GRM7: variants seen among roughly 807,000 people sequenced by gnomAD.
GRM7 encodes glutamate metabotropic receptor 7, also known as metabotropic glutamate receptor 7.
In GRM7, 35 loss-of-function variants were observed where a neutral mutation model predicts 84.5. That is an observed-to-expected ratio of 0.41 (90% CI 0.32 to 0.55). The LOEUF is 0.55. GRM7 is among the 20% of genes least tolerant of loss of function. GRM7 has a pLI of 0.19. For missense variants in GRM7, 1,003 were observed against 1,194.6 expected (o/e 0.84, Z 2.36); for synonymous variants, 487 against 455.1 (o/e 1.07, Z -0.89).
At chr3:7,483,306 A>G (rs1699203156) in intron 7 of GRM7, among the ~76,000 whole-genome samples, 1 of 152,236 alleles carries the variant, frequency 6.6e-6, no homozygotes, top group South Asian at 2.1e-4. Flanking sequence ...ACCAAAGGAT[A>G]CTTTGGATTG....
At chr3:7,372,812 G>A (rs1200863705) in intron 4 of GRM7, among the ~76,000 whole-genome samples, 1 of 151,894 alleles carries the variant, frequency 6.6e-6, no homozygotes, top group Non-Finnish European at 1.5e-5. Context: ...ACAGGGGTGT[G>A]TCAAGGAAGA....
chr3:6,942,922 G>A (rs963989307), intron 1 of GRM7, among the ~76,000 whole-genome samples: 1 of 152,078 alleles, frequency 6.6e-6, no homozygotes, highest in Non-Finnish European at 1.5e-5. Context: ...ATTCGAGTAT[G>A]CATGGAGTGA....
intron 1 of GRM7, among the ~76,000 whole-genome samples, chr3:7,097,298 G>A (rs1322208918): frequency 1.3e-5 from 2 of 152,126 alleles, no homozygotes; most frequent in Admixed American, 6.6e-5. Flanking sequence ...AAAATGGCTA[G>A]TGCTGTGTTT....
intron 1 of GRM7, among the ~76,000 whole-genome samples, chr3:7,118,499 C>A (rs1693115413): frequency 6.7e-6 from 1 of 148,922 alleles, no homozygotes; most frequent in Non-Finnish European, 1.5e-5. Flanking sequence ...GTCCTTTGAA[C>A]TTTCCTCTAA....
chr3:7,189,802 T>C (rs1204474334), intron 2 of GRM7, among the ~76,000 whole-genome samples: 2 of 152,170 alleles, frequency 1.3e-5, no homozygotes, highest in Non-Finnish European at 2.9e-5. Flanking sequence ...ACAAATCATC[T>C]TGCAAACATA....
chr3:7,168,199 C>T (rs1284492913), intron 2 of GRM7, among the ~76,000 whole-genome samples: 1 of 152,038 alleles, frequency 6.6e-6, no homozygotes, highest in Non-Finnish European at 1.5e-5. Context: ...AAACACTTAG[C>T]ACAGTGCCTG....
At chr3:6,901,537 G>A (rs565974477) in intron 1 of GRM7, among the ~76,000 whole-genome samples, 1 of 140,840 alleles carries the variant, frequency 7.1e-6, no homozygotes, top group East Asian at 2.3e-4. Flanking sequence ...GGTGGAGGTT[G>A]CAGTGAGCCG....
chr3:6,954,947 A>G (rs1239344872), intron 1 of GRM7, among the ~76,000 whole-genome samples: 3 of 152,222 alleles, frequency 2.0e-5, no homozygotes, highest in Non-Finnish European at 4.4e-5. Context: ...GAGGCTCAGT[A>G]TTCTCACCAA....
chr3:7,625,186 C>T (rs1697549449), intron 8 of GRM7, among the ~76,000 whole-genome samples: 1 of 152,110 alleles, frequency 6.6e-6, no homozygotes, highest in Admixed American at 6.6e-5. Context: ...CTTTAGAACA[C>T]TCTGGTAGCT....
intron 1 of GRM7, among the ~76,000 whole-genome samples, chr3:7,066,752 A>T (rs1429370041): frequency 6.6e-6 from 1 of 152,026 alleles, no homozygotes; most frequent in East Asian, 1.9e-4. Context: ...ATCCTCAGTG[A>T]GCACAGATGC....
At position 6,863,126 on chromosome 3, in the gene GRM7, T is replaced by G. The variant is rs1694819340; in HGVS notation, c.519+1219T>G. 9 of 280,000 alleles carry G rather than the reference T, an allele frequency of 3.2e-5. No homozygotes were observed. Among genetic ancestry groups the G allele is most frequent in the Middle Eastern group, 4.1e-4 (1 of 2,418 alleles). 17.3% of individuals were successfully genotyped at this position (280,000 alleles called of 1,614,324 possible). A position where few individuals can be genotyped will look rare whatever the true frequency, so the allele number is the denominator to read the frequency against. On this transcript the variant is annotated intron_variant, in intron 1 of 9. Coordinates refer to ENST00000357716, the MANE Select transcript of GRM7 (RefSeq NM_000844.4). The surrounding 1 kb of genome is among the most constrained non-coding windows in gnomAD (Gnocchi z 4.8). ...TCTTTCTGTCTCTGTCTCCTTGCTG[T>G]TTTTTTTTTCTCTCTGTTTTTTCTC...
At chr3:7,358,858 C>G (rs1034595450) in intron 4 of GRM7, among the ~76,000 whole-genome samples, 2 of 151,784 alleles carry the variant, frequency 1.3e-5, no homozygotes, top group African/African-American at 4.8e-5. Context: ...TGGCTCACGC[C>G]TATAATCCCA....
At chr3:7,089,864 A>T (rs13096028) in intron 1 of GRM7, among the ~76,000 whole-genome samples, 75,628 of 151,912 alleles carry the variant, frequency 0.5, 20,105 homozygotes, top group African/African-American at 0.7. Context: ...TTATTTTGAG[A>T]TGGAGTCTCC....
At chr3:7,627,073 A>T (rs3804866) in intron 8 of GRM7, among the ~76,000 whole-genome samples, 21,279 of 152,176 alleles carry the variant, frequency 0.14, 1,672 homozygotes, top group Non-Finnish European at 0.17. Flanking sequence ...GCTTTGGGTC[A>T]CAGCTTCCAC....
intron 9 of GRM7, among the ~76,000 whole-genome samples, chr3:7,721,153 T>C (rs929006048): frequency 1.3e-5 from 2 of 152,220 alleles, no homozygotes; most frequent in African/African-American, 4.8e-5. Context: ...GGATCCATAT[T>C]TAACCTCTTA....
intron 1 of GRM7, among the ~76,000 whole-genome samples, chr3:7,002,617 G>A (rs1433499517): frequency 2.0e-5 from 3 of 152,182 alleles, no homozygotes; most frequent in African/African-American, 4.8e-5. Context: ...GAGTTATAAC[G>A]CTACAGTACA....
chr3:7,737,843 A>AT (rs35087158), intron 9 of GRM7, among the ~76,000 whole-genome samples: 8,556 of 134,454 alleles, frequency 0.064, 310 homozygotes, highest in African/African-American at 0.071. Flanking sequence ...TATTCTCCCA[A>AT]TTTTTTTTTT....
intron 7 of GRM7, among the ~76,000 whole-genome samples, chr3:7,511,364 T>C (rs749856089): frequency 7.3e-5 from 11 of 150,540 alleles, no homozygotes; most frequent in Non-Finnish European, 1.5e-4. Flanking sequence ...TATTCCCTTC[T>C]CCCTTCAAAG....
intron 7 of GRM7, among the ~76,000 whole-genome samples, chr3:7,500,021 G>A (rs1018020394): frequency 5.3e-5 from 8 of 152,064 alleles, no homozygotes; most frequent in African/African-American, 1.7e-4. Flanking sequence ...TGATCTACCC[G>A]CCTTGGCCTC....
Sources: allele counts gnomAD v4.1 joint callset (sites outside exome capture counted in the v4.1 genomes callset), GRCh38; gene constraint gnomAD v4.1.1; non-coding constraint Gnocchi (gnomAD v3.1); transcripts MANE v1.5; gene names NCBI Gene and HGNC (gene_info 2026-07-23, HGNC 2026-07-21).